The following C5 variants were observed in gnomAD, a reference collection of about 807,000 sequenced individuals.
C5 encodes the protein C3 and PZP-like alpha-2-macroglobulin domain-containing protein 4.
In C5, 140 loss-of-function variants were observed where a neutral mutation model predicts 218.8. The observed-to-expected ratio is 0.64, with a 90% CI of 0.56 to 0.74. C5 has a LOEUF of 0.74. C5 is among the 30% of genes least tolerant of loss of function. The pLI is 0.00. For synonymous variants in C5, 614 were observed against 682.3 expected (o/e 0.90, Z 1.56); for missense variants, 1,700 against 1,969.6 (o/e 0.86, Z 2.59).
At chr9:121,064,422 A>G in the C5 span, among the ~76,000 whole-genome samples, 7 of 152,194 alleles carry the variant, frequency 4.6e-5, no homozygotes, top group African/African-American at 1.7e-4. Context: ...GAAACTGTTA[A>G]CAAAAATACA....
intron 7 of C5, among the ~76,000 whole-genome samples, chr9:121,028,510 A>G (rs2047444668): frequency 6.6e-6 from 1 of 152,218 alleles, no homozygotes; most frequent in Admixed American, 6.5e-5. Context: ...AATACTATGC[A>G]GGCATAAAAA....
chr9:121,002,883 G>C (rs1176425792), intron 20 of C5, among the ~76,000 whole-genome samples: 1 of 152,178 alleles, frequency 6.6e-6, no homozygotes, highest in African/African-American at 2.4e-5. Context: ...CCAAATGAGG[G>C]AGGGCAATTC....
intron 19 of C5, 25 bp downstream of exon 19, chr9:121,006,879 G>T (rs772268093): frequency 1.4e-6 from 2 of 1,416,042 alleles, no homozygotes; most frequent in African/African-American, 2.8e-5. Context: ...CTATTTAAAT[G>T]CATATATCAC....
At chr9:121,021,462 A>G in intron 11 of C5, 47 bp downstream of exon 11, 1 of 1,470,316 alleles carries the variant, frequency 6.8e-7, no homozygotes, top group East Asian at 2.3e-5. Context: ...ACACATGGTC[A>G]AGAGTACACA....
Position 121,015,281 on chromosome 9 carries a change from A to T in C5, c.1997-20T>A. 6.5e-7 allele frequency: 1 copy of T among 1,530,894 alleles called. No individual in the cohort carries two copies. Among genetic ancestry groups the T allele is most frequent in the African/African-American group, 1.4e-5 (1 of 73,432 alleles). The allele number at this position is 1,530,894 out of a possible 1,614,324, so 94.8% of individuals were successfully genotyped here. On this transcript the variant is annotated intron_variant, in intron 15 of 40. Coordinates refer to ENST00000223642, the MANE Select transcript of C5 (RefSeq NM_001735.3). ...GTTCATCTGGTTTTTTTAAAAAAAG[A>T]TAAAGAAGAAGGATTAAAAAGGAGA...
At chr9:120,973,806 C>CA (rs2046932013) in intron 30 of C5, among the ~76,000 whole-genome samples, 1 of 151,938 alleles carries the variant, frequency 6.6e-6, no homozygotes, top group Non-Finnish European at 1.5e-5. Flanking sequence ...GGTGAAACCC[C>CA]ATATCTACCA....
chr9:121,045,266 T>C (rs1338587108), intron 2 of C5, among the ~76,000 whole-genome samples: 2 of 152,172 alleles, frequency 1.3e-5, no homozygotes, highest in Non-Finnish European at 2.9e-5. Context: ...GTAATATGCA[T>C]AGTCCTTTTA....
chr9:121,033,013 GGTGTGTGT>G (rs370287463), intron 5 of C5, among the ~76,000 whole-genome samples: 8 of 143,174 alleles, frequency 5.6e-5, no homozygotes, highest in African/African-American at 2.3e-4. Flanking sequence ...AAAAACTATG[GGTGTGTGT>G]GTGTGTGTGT....
At chr9:121,054,354 C>CT (rs973512950), upstream of C5, among the ~76,000 whole-genome samples, 6 of 152,320 alleles carry the variant, frequency 3.9e-5, no homozygotes, top group African/African-American at 1.4e-4. Flanking sequence ...AATCCCAGCA[C>CT]TTTGGGAGGC....
At chr9:121,028,845 T>TAAA (rs2047448900) in intron 7 of C5, among the ~76,000 whole-genome samples, 1 of 152,006 alleles carries the variant, frequency 6.6e-6, no homozygotes, top group Non-Finnish European at 1.5e-5. Flanking sequence ...ATAATAATAA[T>TAAA]AAATAAAGTG....
chr9:121,046,457 T>C (rs981423646), intron 1 of C5, 74 bp from the exon 2 acceptor site: 1 of 1,041,988 alleles, frequency 9.6e-7, no homozygotes, highest in Non-Finnish European at 1.5e-6. Flanking sequence ...TTTTTTTCTC[T>C]CACTTGAGAG....
intron 29 of C5, 106 bp from the exon 30 acceptor site, chr9:120,975,037 A>C: frequency 7.8e-7 from 1 of 1,282,158 alleles, no homozygotes; most frequent in Non-Finnish European, 1.1e-6. Flanking sequence ...TCTGGAGATG[A>C]AACTCCAGCT....
intron 18 of C5, among the ~76,000 whole-genome samples, chr9:121,007,298 A>C (rs1189279680): frequency 6.6e-6 from 1 of 152,218 alleles, no homozygotes; most frequent in African/African-American, 2.4e-5. Context: ...AGGGAAGCAA[A>C]GTGATGCATG....
chr9:121,011,607 G>A (rs1332675407), intron 17 of C5, among the ~76,000 whole-genome samples: 1 of 152,138 alleles, frequency 6.6e-6, no homozygotes, highest in African/African-American at 2.4e-5. Context: ...CATATGATCT[G>A]GCAATCCCAC....
chr9:120,960,862 A>ACCCC lies in C5; in HGVS notation c.4589-526_4589-525insGGGG, dbSNP rs879469000. 6.6e-3 allele frequency among the ~76,000 whole-genome samples: 1,010 copies of ACCCC among 152,306 alleles called. 3 individuals are homozygous for ACCCC. Among genetic ancestry groups the ACCCC allele is most frequent in the Non-Finnish European group, 0.011 (764 of 68,024 alleles). ...ATGTGGTTCCCTTGATGAAAGGGGGAAATTTTCCATTTTGAGTATAATCAG... is the reference window on the plus strand; with the variant it reads ...ATGTGGTTCCCTTGATGAAAGGGGGACCCCAATTTTCCATTTTGAGTATAATCAG... On this transcript the variant is annotated intron_variant, in intron 37 of 40. Transcript: ENST00000223642.
At chr9:120,964,140 T>C (rs2046848837) in intron 33 of C5, among the ~76,000 whole-genome samples, 1 of 152,234 alleles carries the variant, frequency 6.6e-6, no homozygotes, top group Admixed American at 6.5e-5. Context: ...ATCAGTTGTA[T>C]GTTGAAAAGA....
intron 21 of C5, among the ~76,000 whole-genome samples, chr9:120,996,999 G>C (rs1294811132): frequency 2.0e-5 from 3 of 151,732 alleles, no homozygotes; most frequent in African/African-American, 7.3e-5. Flanking sequence ...ACAGACTGTG[G>C]GTAAATTGTA....
intron 4 of C5, among the ~76,000 whole-genome samples, chr9:121,036,057 CA>C (rs1447318563): frequency 2.0e-5 from 3 of 151,900 alleles, no homozygotes; most frequent in African/African-American, 7.3e-5. Flanking sequence ...CAAAAACATA[CA>C]AACAAAAACA....
chr9:121,041,297 CTTTTTTTTT>C (rs386416117), intron 3 of C5, among the ~76,000 whole-genome samples: 2 of 72,678 alleles, frequency 2.8e-5, no homozygotes, highest in East Asian at 1.0e-3. Flanking sequence ...TACATGAAGC[CTTTTTTTTT>C]TTTTTTTTTT....
Sources: gnomAD v4.1 joint callset for allele counts (sites outside exome capture counted in the v4.1 genomes callset) on GRCh38, gnomAD v4.1.1 for gene constraint, MANE v1.5 for transcripts, NCBI Gene and HGNC (gene_info 2026-07-23, HGNC 2026-07-21) for gene names.